Variants in CREB5 observed in about 807,000 individuals in gnomAD.
CREB5 encodes cyclic AMP-responsive element-binding protein 5.
A neutral mutation model predicts 57.1 loss-of-function variants in CREB5; 19 were observed. The observed-to-expected ratio is 0.33, with a 90% CI of 0.23 to 0.49. The LOEUF is 0.49. CREB5 is among the 20% of genes least tolerant of loss of function. CREB5 has a pLI of 0.99. For synonymous variants in CREB5, 238 were observed against 238.3 expected (o/e 1.00, Z 0.01); for missense variants, 579 against 671.6 (o/e 0.86, Z 1.52).
At chr7:28,458,243 T>C (rs558853407) in intron 1 of CREB5, among the ~76,000 whole-genome samples, 64 of 152,258 alleles carry the variant, frequency 4.2e-4, no homozygotes, top group African/African-American at 1.5e-3. Context: ...AGCAAATATG[T>C]GTTGAATAAA....
At chr7:28,382,793 T>A (rs1241766338) in intron 1 of CREB5, among the ~76,000 whole-genome samples, 1 of 151,902 alleles carries the variant, frequency 6.6e-6, no homozygotes, top group Non-Finnish European at 1.5e-5. Context: ...GGGGTCATGA[T>A]ACTCACCTGG....
intron 1 of CREB5, among the ~76,000 whole-genome samples, chr7:28,399,165 T>C (rs949253969): frequency 1.3e-5 from 2 of 152,112 alleles, no homozygotes; most frequent in African/African-American, 4.8e-5. Flanking sequence ...AAGGCCTTTC[T>C]AGAATCATGA....
intron 1 of CREB5, among the ~76,000 whole-genome samples, chr7:28,396,950 A>T (rs933678551): frequency 4.6e-5 from 7 of 152,146 alleles, no homozygotes; most frequent in African/African-American, 1.4e-4. Context: ...AACAAACCTG[A>T]GTCTCTTTTT....
At chr7:28,682,306 G>T (rs778682672) in intron 5 of CREB5, among the ~76,000 whole-genome samples, 1 of 152,172 alleles carries the variant, frequency 6.6e-6, no homozygotes, top group African/African-American at 2.4e-5. Flanking sequence ...TCACCTAGGC[G>T]GCCCCTCATC....
At chr7:28,444,780 T>C (rs1001694995) in intron 1 of CREB5, among the ~76,000 whole-genome samples, 1 of 152,164 alleles carries the variant, frequency 6.6e-6, no homozygotes, top group Admixed American at 6.5e-5. Context: ...GAAAATCCAA[T>C]TAGTGAAGAA....
chr7:28,617,683 T>G (rs1011577517), intron 5 of CREB5, among the ~76,000 whole-genome samples: 1 of 152,178 alleles, frequency 6.6e-6, no homozygotes, highest in African/African-American at 2.4e-5. Flanking sequence ...AATTCAATAA[T>G]GAGAGTTGGA....
chr7:28,474,594 G>A (rs148440985), intron 1 of CREB5, among the ~76,000 whole-genome samples: 6 of 152,116 alleles, frequency 3.9e-5, no homozygotes, highest in South Asian at 2.1e-4. Flanking sequence ...AGTAGAGGAC[G>A]GATGAGGAAA....
At chr7:28,675,045 C>A (rs1800248723) in intron 5 of CREB5, among the ~76,000 whole-genome samples, 1 of 152,174 alleles carries the variant, frequency 6.6e-6, no homozygotes, top group African/African-American at 2.4e-5. Context: ...TCTCTGTATA[C>A]CTCTTCCCTG....
At chr7:28,744,508 CTGCTAATTTT>C (rs1804586301) in intron 7 of CREB5, among the ~76,000 whole-genome samples, 1 of 151,914 alleles carries the variant, frequency 6.6e-6, no homozygotes, top group Non-Finnish European at 1.5e-5. Context: ...CCACCACGCC[CTGCTAATTTT>C]TGTATTTTTA....
intron 1 of CREB5, among the ~76,000 whole-genome samples, chr7:28,321,247 C>G (rs1034529185): frequency 6.6e-6 from 1 of 152,102 alleles, no homozygotes; most frequent in Non-Finnish European, 1.5e-5. Context: ...TCATCCTCCT[C>G]TTCTTTTTCC....
At chr7:28,373,389 A>C (rs6462077) in intron 1 of CREB5, among the ~76,000 whole-genome samples, 12,848 of 152,046 alleles carry the variant, frequency 0.085, 1,800 homozygotes, top group African/African-American at 0.3. Flanking sequence ...AAATGTTAAA[A>C]AGTGGTAGTA....
upstream of CREB5, chr7:28,410,422 G>T: frequency 2.2e-6 from 1 of 456,746 alleles, no homozygotes; most frequent in South Asian, 1.5e-5. Context: ...AGAATCACTT[G>T]AACTTTTCAC....
intron 7 of CREB5, among the ~76,000 whole-genome samples, chr7:28,740,038 T>C (rs1434592459): frequency 2.6e-5 from 4 of 152,162 alleles, no homozygotes; most frequent in African/African-American, 9.7e-5. Context: ...GAGCCAGATC[T>C]TGTTTGCATT....
At chr7:28,724,497 G>T in intron 7 of CREB5, 165 bp downstream of exon 7, 1 of 595,946 alleles carries the variant, frequency 1.7e-6, no homozygotes, top group South Asian at 2.0e-5. Flanking sequence ...GTTTGTTACA[G>T]AGCCTTGGTG....
intron 5 of CREB5, among the ~76,000 whole-genome samples, chr7:28,701,573 T>C (rs1801863012): frequency 6.6e-6 from 1 of 152,178 alleles, no homozygotes; most frequent in African/African-American, 2.4e-5. Context: ...TACATACTCG[T>C]CTACAAATCA....
In CREB5 at chr7:28,306,561, T is replaced by TG. The variant is rs1271543565; in HGVS notation, c.-25+7120_-25+7121insG. On this transcript the variant is annotated intron_variant, in intron 1 of 9. Coordinates refer to the CREB5 transcript ENST00000396299. Reference sequence around the variant, plus strand: ...ATACAGTTTTGTTTTTTTTGTTTTTTTTTTTTTTTTTTTTTTTGAGACGGA... The same window carrying TG: ...ATACAGTTTTGTTTTTTTTGTTTTTTGTTTTTTTTTTTTTTTTTGAGACGGA... Among the ~76,000 whole-genome samples, 728 of 132,916 alleles carry TG rather than the reference T, an allele frequency of 5.5e-3. 10 individuals carry two copies. The highest frequency in any genetic ancestry group is 7.3e-3 in the Non-Finnish European group (452 of 62,234). The allele number at this position is 132,916 out of a possible 152,430, so 87.2% of individuals were successfully genotyped here.
intron 4 of CREB5, among the ~76,000 whole-genome samples, chr7:28,557,926 A>C (rs1319073657): frequency 7.3e-6 from 1 of 137,470 alleles, no homozygotes; most frequent in Non-Finnish European, 1.6e-5. Flanking sequence ...TACCTCAGTG[A>C]CTCCTATTGC....
At chr7:28,693,088 A>ACATCT (rs1801358718) in intron 5 of CREB5, among the ~76,000 whole-genome samples, 1 of 152,226 alleles carries the variant, frequency 6.6e-6, no homozygotes, top group South Asian at 2.1e-4. Flanking sequence ...GCTAGCAACA[A>ACATCT]AGTCTTTCTT....
chr7:28,480,201 G>C (rs1791264453), intron 1 of CREB5, among the ~76,000 whole-genome samples: 1 of 152,154 alleles, frequency 6.6e-6, no homozygotes, highest in Non-Finnish European at 1.5e-5. Context: ...AGGCAGAGTA[G>C]TACCATTTGG....
Sources: allele counts gnomAD v4.1 joint callset (sites outside exome capture counted in the v4.1 genomes callset), GRCh38; gene constraint gnomAD v4.1.1; transcripts MANE v1.5; gene names NCBI Gene and HGNC (gene_info 2026-07-23, HGNC 2026-07-21).